The following PDILT variants were observed in gnomAD, a reference collection of about 807,000 sequenced individuals.
PDILT encodes the protein protein disulfide isomerase like, testis expressed, also known as protein disulfide-isomerase-like protein of the testis.
In PDILT, 43 loss-of-function variants were observed where a neutral mutation model predicts 53.7. The observed-to-expected ratio is 0.80, with a 90% confidence interval of 0.63 to 1.03. The LOEUF is 1.03. PDILT is among the 50% of genes least tolerant of loss of function. PDILT has a pLI of 0.00. For missense variants in PDILT, 727 were observed against 712.3 expected, an observed-to-expected ratio of 1.02 and a Z score of -0.24; for synonymous variants, 282 against 274.2, an observed-to-expected ratio of 1.03 and a Z score of -0.28.
chr16:20,373,461 CTAA>C (rs1209629633), intron 5 of PDILT, among the ~76,000 whole-genome samples: 1 of 152,206 alleles, frequency 6.6e-6, no homozygotes, highest in Admixed American at 6.5e-5. Flanking sequence ...ACTGCTCCAA[CTAA>C]TGATTGACGG....
At chr16:20,399,437 G>T in intron 1 of PDILT, 130 bp from the exon 2 acceptor site, 3 of 948,168 alleles carry the variant, frequency 3.2e-6, no homozygotes, top group East Asian at 2.6e-5. Context: ...TCCCAGCAAT[G>T]CCTGCAGCTT....
At chr16:20,390,145 T>C (rs1201986417) in intron 2 of PDILT, among the ~76,000 whole-genome samples, 1 of 152,162 alleles carries the variant, frequency 6.6e-6, no homozygotes, top group Admixed American at 6.5e-5. Context: ...CCATGTACAG[T>C]ATACAGAGGT....
intron 2 of PDILT, among the ~76,000 whole-genome samples, chr16:20,395,808 C>A (rs1966654771): frequency 1.3e-5 from 2 of 152,144 alleles, no homozygotes; most frequent in Non-Finnish European, 2.9e-5. Context: ...AGCCGCTGCT[C>A]CTCTCTCTTG....
At chr16:20,362,698 A>T in intron 9 of PDILT, 116 bp from the exon 10 acceptor site, 1 of 788,142 alleles carries the variant, frequency 1.3e-6, no homozygotes, top group Non-Finnish European at 2.0e-6. Context: ...TGCCAATTGC[A>T]CTCCCTCCTT....
rs555320773 is a variant in PDILT, at chr16:20,394,424, C to A, written c.202+4675G>T. On this transcript the variant is annotated intron_variant, in intron 2 of 11. Transcript: ENST00000302451. Reference sequence around the variant, plus strand: ...CTAAAGGAAGGCAATATTGTGGGTTCCCCAGGCCTGGTTTCTTTTTCCTCT... The same window carrying A: ...CTAAAGGAAGGCAATATTGTGGGTTACCCAGGCCTGGTTTCTTTTTCCTCT... Among the ~76,000 whole-genome samples the A allele has an allele frequency of 9.2e-5, 14 of 152,206 alleles. No homozygotes were observed. In the East Asian group the frequency reaches 2.3e-3, roughly 25 times the overall value.
intron 8 of PDILT, among the ~76,000 whole-genome samples, chr16:20,368,656 G>T (rs1966254959): frequency 6.6e-6 from 1 of 152,060 alleles, no homozygotes; most frequent in Non-Finnish European, 1.5e-5. Flanking sequence ...GAGTGCAGTG[G>T]TGTGATCGTA....
chr16:20,382,444 G>A (rs1056717560), intron 3 of PDILT, among the ~76,000 whole-genome samples: 1 of 152,196 alleles, frequency 6.6e-6, no homozygotes, highest in Non-Finnish European at 1.5e-5. Flanking sequence ...TGCATCAGCA[G>A]ATCTGAGTAG....
intron 3 of PDILT, among the ~76,000 whole-genome samples, 168 bp from the exon 4 acceptor site, chr16:20,376,369 G>A (rs567484586): frequency 6.6e-6 from 1 of 152,096 alleles, no homozygotes; most frequent in African/African-American, 2.4e-5. Flanking sequence ...CTCCAAGCAC[G>A]AACATTAACA....
intron 2 of PDILT, among the ~76,000 whole-genome samples, chr16:20,394,340 G>C (rs1181124659): frequency 6.6e-6 from 1 of 152,216 alleles, no homozygotes; most frequent in African/African-American, 2.4e-5. Flanking sequence ...CCAGCTTTGA[G>C]TTGTTTCTGA....
At chr16:20,367,535 C>G (rs11865589) in intron 8 of PDILT, among the ~76,000 whole-genome samples, 86,461 of 151,986 alleles carry the variant, frequency 0.57, 25,395 homozygotes, top group Middle Eastern at 0.63. Context: ...GCCCATCTCT[C>G]CTCTAACAGC....
chr16:20,384,448 C>A (rs370211376), intron 3 of PDILT, among the ~76,000 whole-genome samples, 197 bp downstream of exon 3: 2 of 152,132 alleles, frequency 1.3e-5, no homozygotes, highest in South Asian at 2.1e-4. Flanking sequence ...TGACCTTCTA[C>A]CCCTTACCCC....
chr16:20,394,249 A>G (rs1433841226), intron 2 of PDILT, among the ~76,000 whole-genome samples: 6 of 152,190 alleles, frequency 3.9e-5, no homozygotes, highest in Non-Finnish European at 5.9e-5. Context: ...ATAGTTTTTG[A>G]CATTCCTACC....
At chr16:20,362,616 T>C (rs777291911) in intron 9 of PDILT, 34 bp from the exon 10 acceptor site, 11 of 1,606,850 alleles carry the variant, frequency 6.8e-6, no homozygotes, top group Non-Finnish European at 9.4e-6. Flanking sequence ...AGGCTCACAT[T>C]GATGAAGATC....
At chr16:20,378,602 C>T (rs983308440) in intron 3 of PDILT, among the ~76,000 whole-genome samples, 2 of 152,102 alleles carry the variant, frequency 1.3e-5, no homozygotes, top group African/African-American at 4.8e-5. Context: ...TAATGCTCTC[C>T]CTTCCCTCGC....
intron 2 of PDILT, among the ~76,000 whole-genome samples, chr16:20,394,893 C>A (rs1966644180): frequency 1.3e-5 from 2 of 152,124 alleles, no homozygotes; most frequent in Admixed American, 1.3e-4. Context: ...TCTCTGCAGA[C>A]CCACCTGGGA....
At chr16:20,402,759 A>G (rs1966760103) in intron 1 of PDILT, among the ~76,000 whole-genome samples, 2 of 152,264 alleles carry the variant, frequency 1.3e-5, no homozygotes, top group South Asian at 2.1e-4. Context: ...CTCTCCCACA[A>G]TACCTGGCTC....
At chr16:20,386,722 C>A (rs1966544736) in intron 2 of PDILT, among the ~76,000 whole-genome samples, 1 of 152,230 alleles carries the variant, frequency 6.6e-6, no homozygotes, top group Admixed American at 6.5e-5. Flanking sequence ...CCTGATATCC[C>A]CTATCCATCA....
In PDILT at chr16:20,381,634, C is replaced by CAA. The variant is rs1034720000; in HGVS notation, c.409+3009_409+3010dup. Among the ~76,000 whole-genome samples the CAA allele has an allele frequency of 8.7e-3, 508 of 58,108 alleles. 5 individuals are homozygous for CAA. Among genetic ancestry groups the CAA allele is most frequent in the African/African-American group, 0.023 (433 of 18,728 alleles). The allele number at this position is 58,108 out of a possible 152,430, so 38.1% of individuals were successfully genotyped here. ...CTGGCAAAACAGTGAGACTCCATCT[C>CAA]AAAAAAAAAAAAAAAAAAAAAGAGA... is the stretch of plus-strand genomic sequence containing the variant. On this transcript the variant is annotated intron_variant, in intron 3 of 11. Transcript: ENST00000302451.
intron 2 of PDILT, among the ~76,000 whole-genome samples, chr16:20,386,717 T>C (rs983922611): frequency 1.3e-5 from 2 of 152,230 alleles, no homozygotes; most frequent in Non-Finnish European, 2.9e-5. Context: ...TATCCCCTGA[T>C]ATCCCCTATC....
Sources: gnomAD v4.1 joint callset for allele counts (sites outside exome capture counted in the v4.1 genomes callset) on GRCh38, gnomAD v4.1.1 for gene constraint, MANE v1.5 for transcripts, NCBI Gene and HGNC (gene_info 2026-07-23, HGNC 2026-07-21) for gene names.